The following RAC1 variants were observed in gnomAD, a reference collection of about 807,000 sequenced individuals.
The protein encoded by RAC1 is ras-related C3 botulinum toxin substrate 1.
A neutral mutation model predicts 25.2 loss-of-function variants in RAC1; 2 were observed. That is an observed-to-expected ratio of 0.08 (90% confidence interval 0.03 to 0.25). RAC1 has a LOEUF of 0.25. Among genes scored for constraint, RAC1 ranks in the 10% least tolerant of loss-of-function variants. The probability of loss-of-function intolerance (pLI) is 1.00; values close to 1 mark genes in which losing one functional copy is unlikely to be tolerated. For missense variants in RAC1, 50 were observed against 235.7 expected, an observed-to-expected ratio of 0.21 and a Z score of 5.16; for synonymous variants, 88 against 94.0, an observed-to-expected ratio of 0.94 and a Z score of 0.37.
At chr7:6,394,549 C>T (rs898857474) in intron 3 of RAC1, among the ~76,000 whole-genome samples, 1 of 152,070 alleles carries the variant, frequency 6.6e-6, no homozygotes, top group East Asian at 1.9e-4. Flanking sequence ...GAGTCCTGAG[C>T]CCTGTGTGTG....
In RAC1 at chr7:6,403,923, A is replaced by G; in HGVS notation, c.*1477A>G. 4.5e-6 allele frequency: 1 copy of G among 221,168 alleles called. No individual in the cohort carries two copies. Among genetic ancestry groups the G allele is most frequent in the Non-Finnish European group, 9.1e-6 (1 of 110,210 alleles). The allele number at this position is 221,168 out of a possible 1,614,324, so 13.7% of individuals were successfully genotyped here. Reference sequence around the variant, plus strand: ...ACATTGATCTTTTGCTAATGCAATTAGCATTATGTTTTGCATGTATGACTT... The same window carrying G: ...ACATTGATCTTTTGCTAATGCAATTGGCATTATGTTTTGCATGTATGACTT... On this transcript the variant is annotated 3_prime_UTR_variant, in exon 6 of 6. Transcript: ENST00000348035.
intron 2 of RAC1, among the ~76,000 whole-genome samples, chr7:6,391,297 G>C (rs1783086550): frequency 6.6e-6 from 1 of 151,698 alleles, no homozygotes; most frequent in Admixed American, 6.6e-5. Context: ...CTGCTGACCA[G>C]TAGCAATTTT....
intron 1 of RAC1, among the ~76,000 whole-genome samples, chr7:6,386,782 C>G (rs1316093646): frequency 7.8e-6 from 1 of 128,290 alleles, no homozygotes; most frequent in Non-Finnish European, 1.6e-5. Flanking sequence ...GCACGAGACT[C>G]GGTCTCAAAA....
chr7:6,394,456 G>T (rs836474), intron 3 of RAC1, among the ~76,000 whole-genome samples: 20,181 of 152,004 alleles, frequency 0.13, 2,536 homozygotes, highest in East Asian at 0.56. Flanking sequence ...CTTCCCTTGT[G>T]TAGATCACCT....
At position 6,395,212 on chromosome 7, in the gene RAC1, T is replaced by C. The variant is rs925526896; in HGVS notation, c.225+3171T>C. Among the ~76,000 whole-genome samples the C allele has an allele frequency of 2.0e-5, 3 of 152,118 alleles. No homozygotes were observed. In the South Asian group the frequency reaches 6.2e-4, roughly 32 times the overall value. On this transcript the variant is annotated intron_variant, in intron 3 of 5. Transcript: ENST00000348035. ...AACTCCTGACCTCAGGTGATCCGCC[T>C]GCCTCTGCCTCCCAAAGTGCTGGGA...
rs1783357111 is a variant in RAC1 at position 6,400,226 on chromosome 7, A to T, written c.288+38A>T. 3 of 1,512,628 alleles carry T rather than the reference A, an allele frequency of 2.0e-6. No homozygotes were observed. The South Asian group carries it at 3.4e-5, about 17-fold the overall frequency. The allele number at this position is 1,512,628 out of a possible 1,614,324, so 93.7% of individuals were successfully genotyped here. Reference sequence around the variant, plus strand: ...TTAAAATGTGTATGTAAGTTATAGAATGATCCTCTCAGAAATAAATACTTT... The same window carrying T: ...TTAAAATGTGTATGTAAGTTATAGATTGATCCTCTCAGAAATAAATACTTT... On this transcript the variant is annotated intron_variant, in intron 4 of 5. Coordinates refer to ENST00000348035, the MANE Select transcript of RAC1 (RefSeq NM_006908.5).
chr7:6,398,970 C>T (rs1404351313), intron 3 of RAC1, among the ~76,000 whole-genome samples: 1 of 152,196 alleles, frequency 6.6e-6, no homozygotes, highest in East Asian at 1.9e-4. Context: ...TGAGAGGGCC[C>T]CTCTCCTGGC....
intron 1 of RAC1, among the ~76,000 whole-genome samples, chr7:6,375,459 C>T (rs1782556539): frequency 6.6e-6 from 1 of 152,170 alleles, no homozygotes; most frequent in Non-Finnish European, 1.5e-5. Context: ...TTCCTGCGCT[C>T]AAGTGATTCT....
At chr7:6,386,763 G>A in intron 1 of RAC1, among the ~76,000 whole-genome samples, 1 of 148,550 alleles carries the variant, frequency 6.7e-6, no homozygotes, top group Non-Finnish European at 1.5e-5. Flanking sequence ...CACTCCAGCT[G>A]GGGCGACAGC....
intron 1 of RAC1, among the ~76,000 whole-genome samples, chr7:6,386,056 C>G (rs940024044): frequency 1.3e-5 from 2 of 152,212 alleles, no homozygotes; most frequent in Non-Finnish European, 2.9e-5. Context: ...GGGAGACTTT[C>G]AGCCACCACT....
chr7:6,381,045 T>C (rs1387463095), intron 1 of RAC1, among the ~76,000 whole-genome samples: 1 of 152,008 alleles, frequency 6.6e-6, no homozygotes, highest in Non-Finnish European at 1.5e-5. Context: ...ATTTTTGTAT[T>C]CTTAGTTGAG....
chr7:6,383,516 C>A (rs1782831447), intron 1 of RAC1, among the ~76,000 whole-genome samples: 1 of 151,968 alleles, frequency 6.6e-6, no homozygotes, highest in African/African-American at 2.4e-5. Context: ...AAATTTCAGT[C>A]AGTATCAGAT....
At chr7:6,400,394 A>C (rs1783363565) in intron 4 of RAC1, among the ~76,000 whole-genome samples, 1 of 151,766 alleles carries the variant, frequency 6.6e-6, no homozygotes, top group South Asian at 2.1e-4. Context: ...TAGTGGTGAC[A>C]TCAGAGCTCA....
At chr7:6,401,762 G>A in intron 4 of RAC1, 106 bp from the exon 5 acceptor site, 1 of 1,250,740 alleles carries the variant, frequency 8.0e-7, no homozygotes, top group South Asian at 1.4e-5. Flanking sequence ...GGGAGGCCTT[G>A]CCTGAGGTTA....
At chr7:6,387,153 A>C (rs1782945607) in intron 1 of RAC1, 59 bp from the exon 2 acceptor site, 1 of 1,059,912 alleles carries the variant, frequency 9.4e-7, no homozygotes, top group East Asian at 2.5e-5. Context: ...TTAACTTAAT[A>C]GTGAAAGCTA....
At chr7:6,382,836 G>C (rs969418246) in intron 1 of RAC1, among the ~76,000 whole-genome samples, 1 of 152,198 alleles carries the variant, frequency 6.6e-6, no homozygotes, top group African/African-American at 2.4e-5. Context: ...TTGCACCATT[G>C]GGCTCCAGCC....
Position 6,382,732 on chromosome 7 carries a change from A to G in RAC1, c.36-4480A>G, listed in dbSNP as rs567579712. The stretch of plus-strand genomic sequence containing the variant: ...ACAACAACAAAAAAAAATTAGCTGG[A>G]TGTGGTGGTGCTTACGTGTAGTCCC... On this transcript the variant is annotated intron_variant, in intron 1 of 5. Transcript: ENST00000348035. Among the ~76,000 whole-genome samples, 12 of 152,228 alleles carry G rather than the reference A, an allele frequency of 7.9e-5. No individual in the cohort carries two copies. In the South Asian group the frequency reaches 2.1e-3, roughly 26 times the overall value.
chr7:6,392,129 T>G, intron 3 of RAC1, 88 bp downstream of exon 3: 1 of 1,586,084 alleles, frequency 6.3e-7, no homozygotes, highest in East Asian at 2.3e-5. Flanking sequence ...TGGACTTGCT[T>G]ATATTGCCAT....
chr7:6,392,791 A>G (rs909696563), intron 3 of RAC1, among the ~76,000 whole-genome samples: 2 of 152,220 alleles, frequency 1.3e-5, no homozygotes, highest in African/African-American at 2.4e-5. Flanking sequence ...AAAGTTAAAT[A>G]TGCTTGAGAT....
Sources: gnomAD v4.1 joint callset for allele counts (sites outside exome capture counted in the v4.1 genomes callset) on GRCh38, gnomAD v4.1.1 for gene constraint, MANE v1.5 for transcripts, NCBI Gene and HGNC (gene_info 2026-07-23, HGNC 2026-07-21) for gene names.